Variants in VWA2 observed in about 807,000 individuals in gnomAD.
VWA2 encodes von Willebrand factor A domain containing 2, also known as von Willebrand factor A domain-containing protein 2.
Under a neutral mutation model 70.4 loss-of-function variants are expected in VWA2, and 73 were observed. That is an observed-to-expected ratio of 1.04 (90% CI 0.86 to 1.26). The LOEUF is 1.26. VWA2 is among the 50% of genes most tolerant of loss of function. The pLI is 0.00. For synonymous variants in VWA2, 407 were observed against 423.3 expected (o/e 0.96, Z 0.47); for missense variants, 1,011 against 998.5 (o/e 1.01, Z -0.17).
chr10:114,244,374 C>G (rs1351975827), intron 1 of VWA2, among the ~76,000 whole-genome samples: 1 of 152,180 alleles, frequency 6.6e-6, no homozygotes, highest in Non-Finnish European at 1.5e-5. Context: ...CAGCTTCCCC[C>G]AGAACCGGGA....
chr10:114,272,991 C>T (rs2037746333), intron 6 of VWA2, 57 bp downstream of exon 6: 3 of 1,491,042 alleles, frequency 2.0e-6, no homozygotes, highest in Non-Finnish European at 2.7e-6. Flanking sequence ...GGGATCGTGA[C>T]ATGGCCATGG....
chr10:114,272,219 C>T (rs181504854), intron 5 of VWA2, among the ~76,000 whole-genome samples: 16 of 152,314 alleles, frequency 1.1e-4, no homozygotes, highest in African/African-American at 3.1e-4. Context: ...GACAGCTCAG[C>T]CTTCCAGCTC....
chr10:114,285,048 T>C, intron 10 of VWA2, 78 bp downstream of exon 10: 1 of 1,188,608 alleles, frequency 8.4e-7, no homozygotes, highest in Non-Finnish European at 1.1e-6. Context: ...TTGCACGCCC[T>C]TCCAGCTGCT....
chr10:114,269,407 C>T (rs941328292), intron 5 of VWA2, among the ~76,000 whole-genome samples: 1 of 152,128 alleles, frequency 6.6e-6, no homozygotes, highest in Non-Finnish European at 1.5e-5. Context: ...ATGGTGAAAC[C>T]CTGTCTCTAC....
intron 12 of VWA2, 93 bp from the exon 13 acceptor site, chr10:114,290,147 G>A: frequency 6.7e-7 from 1 of 1,490,608 alleles, no homozygotes; most frequent in Non-Finnish European, 9.0e-7. Flanking sequence ...GACTCTAGTA[G>A]CCTTGCACCT....
intron 8 of VWA2, 23 bp downstream of exon 8, chr10:114,278,874 C>G: frequency 1.9e-6 from 3 of 1,611,274 alleles, no homozygotes; most frequent in South Asian, 2.2e-5. Context: ...GGTCTGGGCT[C>G]GGCCTGGGTG....
chr10:114,246,411 GA>G, intron 1 of VWA2: 1 of 593,044 alleles, frequency 1.7e-6, no homozygotes. Flanking sequence ...TGAGACAGGA[GA>G]ATCGCTTGAA....
At chr10:114,252,094 C>T (rs947258767) in intron 2 of VWA2, among the ~76,000 whole-genome samples, 4 of 152,174 alleles carry the variant, frequency 2.6e-5, no homozygotes, top group Admixed American at 6.5e-5. Flanking sequence ...GCGTGAGCCA[C>T]CCCGCTGGCC....
intron 11 of VWA2, among the ~76,000 whole-genome samples, chr10:114,287,255 A>C (rs1271729672): frequency 1.3e-5 from 2 of 152,136 alleles, no homozygotes; most frequent in Non-Finnish European, 2.9e-5. Flanking sequence ...ATCATAGCTC[A>C]CTGCAGCCTT....
chr10:114,261,580 G>T (rs562646496), intron 5 of VWA2, among the ~76,000 whole-genome samples: 1 of 152,328 alleles, frequency 6.6e-6, no homozygotes, highest in South Asian at 2.1e-4. Flanking sequence ...CACGAATGGG[G>T]TTAAGAGCCT....
chr10:114,256,783 G>T (rs1329523625), intron 4 of VWA2, among the ~76,000 whole-genome samples: 1 of 151,878 alleles, frequency 6.6e-6, no homozygotes, highest in African/African-American at 2.4e-5. Context: ...GGTGGCACGT[G>T]CCTGTAGTCC....
At chr10:114,245,856 G>C (rs752032541) in intron 1 of VWA2, among the ~76,000 whole-genome samples, 17 of 152,196 alleles carry the variant, frequency 1.1e-4, no homozygotes. Flanking sequence ...ACTCTCAGCT[G>C]GCAGGGACAT....
At chr10:114,250,049 C>A (rs985993876) in intron 2 of VWA2, among the ~76,000 whole-genome samples, 1 of 152,186 alleles carries the variant, frequency 6.6e-6, no homozygotes, top group Admixed American at 6.5e-5. Flanking sequence ...AACTCCTCCC[C>A]ATCCTTAGGC....
At chr10:114,268,300 T>C (rs1409811750) in intron 5 of VWA2, among the ~76,000 whole-genome samples, 4 of 132,920 alleles carry the variant, frequency 3.0e-5, no homozygotes, top group Non-Finnish European at 6.1e-5. Flanking sequence ...GTAGCTGATC[T>C]GTGAACCTTC....
chr10:114,256,410 G>A (rs1439677668), intron 4 of VWA2, among the ~76,000 whole-genome samples: 2 of 152,086 alleles, frequency 1.3e-5, no homozygotes, highest in African/African-American at 4.8e-5. Flanking sequence ...ATGAAAATCT[G>A]TCTTTGTTTT....
In VWA2 at chr10:114,286,304, T is replaced by C; in HGVS notation, c.1363T>C (p.Ser455Pro). 6.2e-7 allele frequency: 1 copy of C among 1,610,856 alleles called. No individual in the cohort carries two copies. The highest frequency in any genetic ancestry group is 8.5e-7 in the Non-Finnish European group (1 of 1,177,936). ...TAGAGTGGTGGTTTTGCTCACTGAG[T>C]CACACTCCGAGGATGAGGTTGCGGG... ...PRRVVVLLTESHSEDEVAGPA... is the reference protein window; with the variant it reads ...PRRVVVLLTEPHSEDEVAGPA... The change falls in exon 11 of 14, where the codon TCA becomes CCA. Residue 455 changes from serine (S) to proline (P), a missense_variant. Coordinates refer to ENST00000392982, the MANE Select transcript of VWA2 (RefSeq NM_001272046.2).
chr10:114,278,485 T>C (rs2037904092), intron 7 of VWA2, among the ~76,000 whole-genome samples: 1 of 152,172 alleles, frequency 6.6e-6, no homozygotes, highest in East Asian at 1.9e-4. Flanking sequence ...ACGCAAAAGC[T>C]GTGTGGGGTG....
At chr10:114,269,162 GC>G (rs1488937779) in intron 5 of VWA2, among the ~76,000 whole-genome samples, 1 of 152,246 alleles carries the variant, frequency 6.6e-6, no homozygotes, top group Non-Finnish European at 1.5e-5. Flanking sequence ...ACTGTGCTGA[GC>G]AACGTGAAGG....
At chr10:114,241,948 T>C (rs1324322315) in intron 1 of VWA2, among the ~76,000 whole-genome samples, 2 of 136,618 alleles carry the variant, frequency 1.5e-5, no homozygotes, top group African/African-American at 5.4e-5. Context: ...GGTGATTGTG[T>C]GTGTGCATTC....
Sources: gnomAD v4.1 joint callset for allele counts (sites outside exome capture counted in the v4.1 genomes callset) on GRCh38, gnomAD v4.1.1 for gene constraint, MANE v1.5 for transcripts, NCBI Gene and HGNC (gene_info 2026-07-23, HGNC 2026-07-21) for gene names.